SPTBN5: variants seen among roughly 807,000 people sequenced by gnomAD.
The protein encoded by SPTBN5 is spectrin beta, non-erythrocytic 5.
SPTBN5 carries 513 observed loss-of-function variants against 477.6 expected under a neutral mutation model. The ratio of observed to expected loss-of-function variants is 1.07; its 90% CI spans 1.00 to 1.16. The LOEUF (loss-of-function observed/expected upper bound fraction) is 1.16. Among genes scored for constraint, SPTBN5 ranks in the 50% most tolerant of loss-of-function variants. The pLI, the probability that SPTBN5 is intolerant of heterozygous loss-of-function variation, is 0.00. For synonymous variants in SPTBN5, 2,169 were observed against 2,011.7 expected (o/e 1.08, Z -2.09); for missense variants, 5,062 against 4,731.8 (o/e 1.07, Z -2.05).
At chr15:41,863,674 C>T (rs1484805747) in intron 41 of SPTBN5, 30 bp downstream of exon 41, 2 of 1,576,518 alleles carry the variant, frequency 1.3e-6, no homozygotes, top group African/African-American at 1.3e-5. Flanking sequence ...TTGCTCACAG[C>T]CCCCACCGGG....
At chr15:41,849,037 C>T (rs1027009668) in intron 67 of SPTBN5, among the ~76,000 whole-genome samples, 1 of 152,220 alleles carries the variant, frequency 6.6e-6, no homozygotes, top group African/African-American at 2.4e-5. Flanking sequence ...GTGGCTGCCA[C>T]CCCTCATGGT....
chr15:41,855,471 C>A, intron 54 of SPTBN5, 43 bp from the exon 55 acceptor site: 1 of 1,591,454 alleles, frequency 6.3e-7, no homozygotes, highest in Non-Finnish European at 8.6e-7. Context: ...CCCTGCCTTT[C>A]CAGGCTGGAG....
intron 58 of SPTBN5, 55 bp downstream of exon 58, chr15:41,853,527 G>A (rs568310189): frequency 5.2e-6 from 8 of 1,540,824 alleles, no homozygotes; most frequent in South Asian, 1.2e-5. Context: ...CAAGAGCCAG[G>A]ATACCCCCAC....
intron 9 of SPTBN5, 70 bp from the exon 10 acceptor site, chr15:41,882,808 G>GT: frequency 6.5e-7 from 1 of 1,534,916 alleles, no homozygotes; most frequent in Non-Finnish European, 8.8e-7. Flanking sequence ...TCCCCTCCGG[G>GT]TTTAGACACT....
At chr15:41,869,399 C>T (rs1452867963) in intron 32 of SPTBN5, among the ~76,000 whole-genome samples, 1 of 152,216 alleles carries the variant, frequency 6.6e-6, no homozygotes, top group Non-Finnish European at 1.5e-5. Flanking sequence ...GCTCATCTCC[C>T]CAGGAAGCAG....
Position 41,893,256 on chromosome 15 carries a change from T to C in SPTBN5, c.216+26A>G, listed in dbSNP as rs774310657. 10 of 1,613,448 alleles carry C rather than the reference T, an allele frequency of 6.2e-6. No homozygotes were observed. In the Admixed American group the frequency reaches 1.7e-4, roughly 27 times the overall value. On this transcript the variant is annotated intron_variant, in intron 2 of 67. Coordinates refer to ENST00000320955, the MANE Select transcript of SPTBN5 (RefSeq NM_016642.4). ...AGCTGGGGGCCTGGTATGGGTGGGC[T>C]GTGGGTCACAGCTGGCTATACTCAC...
intron 32 of SPTBN5, 25 bp downstream of exon 32, chr15:41,869,816 C>G (rs1472202066): frequency 6.5e-7 from 1 of 1,531,414 alleles, no homozygotes; most frequent in South Asian, 1.2e-5. Flanking sequence ...CACACACACA[C>G]CACCCAAAGG....
At chr15:41,850,234 C>T in intron 66 of SPTBN5, 1 of 455,812 alleles carries the variant, frequency 2.2e-6, no homozygotes, top group Non-Finnish European at 4.1e-6. Flanking sequence ...TCGAACAACT[C>T]AAGATCCCTT....
intron 41 of SPTBN5, among the ~76,000 whole-genome samples, chr15:41,863,458 C>A (rs570215915): frequency 6.6e-6 from 1 of 152,172 alleles, no homozygotes; most frequent in Non-Finnish European, 1.5e-5. Context: ...GGGACCAGAT[C>A]TGGGGGAGAA....
chr15:41,870,261 G>A lies in SPTBN5; in HGVS notation c.5655C>T (p.Leu1885=), dbSNP rs1307523745. The change falls in exon 31 of 68, where the codon CTC becomes CTT. Residue 1885 remains leucine, a synonymous_variant. Coordinates refer to ENST00000320955, the MANE Select transcript of SPTBN5 (RefSeq NM_016642.4). ...LRSHQGLERE[L]VGTERQLQEL... ...GGCTCACCTGCCGCTCGGTGCCCAC[G>A]AGTTCTCGCTCCAGCCCCTGGTGGC... is the stretch of plus-strand genomic sequence containing the variant. 3.9e-6 allele frequency: 6 copies of A among 1,550,750 alleles called. No individual in the cohort carries two copies. The highest frequency in any genetic ancestry group is 3.5e-6 in the Non-Finnish European group (4 of 1,147,468).
At chr15:41,884,855 C>T (rs1472436447) in intron 7 of SPTBN5, among the ~76,000 whole-genome samples, 1 of 152,194 alleles carries the variant, frequency 6.6e-6, no homozygotes, top group Non-Finnish European at 1.5e-5. Context: ...CATGTGCTCG[C>T]CTAAAAGGAC....
chr15:41,887,603 C>A (rs1009646978), intron 5 of SPTBN5, among the ~76,000 whole-genome samples, 162 bp from the exon 6 acceptor site: 5 of 152,054 alleles, frequency 3.3e-5, no homozygotes, highest in Non-Finnish European at 7.3e-5. Flanking sequence ...AGGACTCTGA[C>A]AGAGAAAGAG....
intron 47 of SPTBN5, among the ~76,000 whole-genome samples, chr15:41,859,766 C>T (rs1248629001): frequency 6.6e-6 from 1 of 152,122 alleles, no homozygotes; most frequent in African/African-American, 2.4e-5. Flanking sequence ...AGTTTGCATT[C>T]TGTTAATTCA....
chr15:41,850,713 G>GA (rs1473649369), intron 66 of SPTBN5, 141 bp downstream of exon 66: 4 of 764,798 alleles, frequency 5.2e-6, no homozygotes, highest in Admixed American at 2.9e-5. Context: ...AATTCTTTGA[G>GA]GAAAAACAGT....
In SPTBN5 at chr15:41,849,120, G is replaced by A. The variant is rs528820437; in HGVS notation, c.11013-492C>T. ...ACATCCTGGCATGGGGCCCATGCACGGAGGATTTGCCTGTCTCCAGTCCCT... is the reference window on the plus strand; with the variant it reads ...ACATCCTGGCATGGGGCCCATGCACAGAGGATTTGCCTGTCTCCAGTCCCT... On this transcript the variant is annotated intron_variant, in intron 67 of 67. Transcript: ENST00000320955. Among the ~76,000 whole-genome samples, 12 of 152,330 alleles carry A rather than the reference G, an allele frequency of 7.9e-5. No homozygotes were observed. In the South Asian group the frequency reaches 1.2e-3, roughly 16 times the overall value.
chr15:41,857,011 C>G lies in SPTBN5; in HGVS notation c.8650G>C (p.Glu2884Gln). ...RFKSLREPLQ[E>Q]RRTALEARSL... is the part of the protein sequence containing the mutation. ...CGGGCCTCCAGGGCCGTCCTGCGCT[C>G]CTGCAGGGGCTCCCTCAGGCTCTTG... Residue 2884 changes from glutamate to glutamine, a missense_variant, in exon 52 of 68, where the codon GAG (glutamate) becomes CAG (glutamine). Physicochemically the swap from Glu to Gln is conservative, Grantham distance 29. Transcript: ENST00000320955. The G allele has an allele frequency of 6.2e-7, 1 of 1,605,286 alleles. No individual in the cohort carries two copies. Among genetic ancestry groups the G allele is most frequent in the Non-Finnish European group, 8.5e-7 (1 of 1,176,680 alleles).
intron 21 of SPTBN5, 25 bp downstream of exon 21, chr15:41,876,089 G>A (rs1239174740): frequency 6.9e-6 from 11 of 1,583,330 alleles, no homozygotes; most frequent in Non-Finnish European, 9.4e-6. Flanking sequence ...AGGAGGCTCT[G>A]CACCCTCTGT....
chr15:41,882,041 C>T lies in SPTBN5; in HGVS notation c.2352G>A (p.Leu784=). Residue 784 remains leucine, a synonymous_variant, in exon 12 of 68, where the codon CTG becomes CTA. Transcript: ENST00000320955. The part of the protein sequence containing the change: ...GQDQAAAETL[L]RRHVRLERVL... ...CGCGCTCCAGCCGCACGTGGCGCCTCAGCAGGGTCTCGGCGGCCGCCTGGT... is the reference window on the plus strand; with the variant it reads ...CGCGCTCCAGCCGCACGTGGCGCCTTAGCAGGGTCTCGGCGGCCGCCTGGT... 6.4e-7 allele frequency: 1 copy of T among 1,554,320 alleles called. No individual in the cohort carries two copies. The highest frequency in any genetic ancestry group is 8.6e-7 in the Non-Finnish European group (1 of 1,161,388).
At chr15:41,871,268 G>T (rs2066524136) in intron 29 of SPTBN5, 107 bp downstream of exon 29, 1 of 1,259,710 alleles carries the variant, frequency 7.9e-7, no homozygotes, top group Non-Finnish European at 1.0e-6. Flanking sequence ...GGGCAGCCAG[G>T]GCCAGTGTGG....
Sources: allele counts gnomAD v4.1 joint callset (sites outside exome capture counted in the v4.1 genomes callset), GRCh38; gene constraint gnomAD v4.1.1; transcripts MANE v1.5; gene names NCBI Gene and HGNC (gene_info 2026-07-23, HGNC 2026-07-21).